Variants in TNR observed in about 807,000 individuals in gnomAD.
TNR encodes the protein tenascin R.
In TNR, 45 loss-of-function variants were observed where a neutral mutation model predicts 150.4. The observed-to-expected ratio is 0.30, with a 90% CI of 0.24 to 0.38. The LOEUF is 0.38. Ranked by LOEUF, TNR falls within the 10% of genes least tolerant of loss-of-function variation. TNR has a pLI of 1.00. For synonymous variants in TNR, 687 were observed against 678.4 expected (o/e 1.01, Z -0.20); for missense variants, 1,544 against 1,759.1 (o/e 0.88, Z 2.19).
intron 1 of TNR, among the ~76,000 whole-genome samples, chr1:175,632,570 G>A (rs753901921): frequency 2.6e-5 from 4 of 152,354 alleles, no homozygotes; most frequent in Admixed American, 1.3e-4. Context: ...AGATCCTGCA[G>A]AGACCAAGTA....
At chr1:175,463,663 A>G (rs938025370) in intron 2 of TNR, among the ~76,000 whole-genome samples, 1 of 152,220 alleles carries the variant, frequency 6.6e-6, no homozygotes, top group African/African-American at 2.4e-5. Flanking sequence ...TTCACAGCTA[A>G]TTGTCCAGAA....
intron 15 of TNR, among the ~76,000 whole-genome samples, chr1:175,358,366 A>G (rs979190183): frequency 1.3e-5 from 2 of 152,256 alleles, no homozygotes; most frequent in Non-Finnish European, 2.9e-5. Context: ...ATGTACTAGC[A>G]GGTTTGCCAA....
chr1:175,410,630 G>A (rs192712071), intron 2 of TNR, among the ~76,000 whole-genome samples: 3 of 152,316 alleles, frequency 2.0e-5, no homozygotes, highest in Admixed American at 2.0e-4. Flanking sequence ...GTGAGGCCAT[G>A]GCACTAGTTC....
chr1:175,654,605 TC>T (rs1357234188), intron 1 of TNR, among the ~76,000 whole-genome samples: 1 of 151,942 alleles, frequency 6.6e-6, no homozygotes, highest in Non-Finnish European at 1.5e-5. Flanking sequence ...TTGTCTAAGT[TC>T]TTCTCGCTTC....
In TNR at chr1:175,720,550, T is replaced by G. The variant is rs554234097; in HGVS notation, c.-165+22676A>C. Among the ~76,000 whole-genome samples, 20 of 151,926 alleles carry G rather than the reference T, an allele frequency of 1.3e-4. No homozygotes were observed. In the Middle Eastern group the frequency reaches 0.01, roughly 78 times the overall value. On this transcript the variant is annotated intron_variant, in intron 1 of 22. Coordinates refer to ENST00000367674, the MANE Select transcript of TNR (RefSeq NM_003285.3). ...CTTGGGCTCAGAGCTTAATAAGGAGTTTACACGTAAGTAAAGGAAGTAGAT... is the reference window on the plus strand; with the variant it reads ...CTTGGGCTCAGAGCTTAATAAGGAGGTTACACGTAAGTAAAGGAAGTAGAT...
At chr1:175,725,340 A>C (rs528408628) in intron 1 of TNR, among the ~76,000 whole-genome samples, 1 of 152,338 alleles carries the variant, frequency 6.6e-6, no homozygotes, top group South Asian at 2.1e-4. Context: ...GCACTGTGGA[A>C]TTATCACAAA....
chr1:175,600,912 T>C (rs1309826132), intron 1 of TNR, among the ~76,000 whole-genome samples: 1 of 152,228 alleles, frequency 6.6e-6, no homozygotes, highest in Admixed American at 6.5e-5. Context: ...CTGAGTTTGT[T>C]TGTGGTCTTG....
At chr1:175,408,933 T>C (rs968608028) in intron 2 of TNR, among the ~76,000 whole-genome samples, 2 of 152,184 alleles carry the variant, frequency 1.3e-5, no homozygotes, top group South Asian at 2.1e-4. Context: ...GTGAGATCCT[T>C]GGAGCAATGT....
chr1:175,527,794 T>C lies in TNR; in HGVS notation c.-64+475A>G, dbSNP rs188064363. ...AGCTTTTAAATTAAAGGAAATAAAATGACAGGTTTTTCCTCCAGCCATATA... is the reference window on the plus strand; with the variant it reads ...AGCTTTTAAATTAAAGGAAATAAAACGACAGGTTTTTCCTCCAGCCATATA... On this transcript the variant is annotated intron_variant, in intron 2 of 22. Transcript: ENST00000367674. 9.8e-4 allele frequency among the ~76,000 whole-genome samples: 149 copies of C among 152,278 alleles called. 1 individual carries two copies. The East Asian group carries it at 0.022, about 22-fold the overall frequency.
intron 1 of TNR, among the ~76,000 whole-genome samples, chr1:175,724,813 C>T (rs1309851177): frequency 2.0e-5 from 3 of 152,042 alleles, no homozygotes; most frequent in Non-Finnish European, 4.4e-5. Context: ...AGGGGCATCT[C>T]AGCTGAGATC....
intron 9 of TNR, among the ~76,000 whole-genome samples, chr1:175,376,813 A>C (rs1652408320): frequency 6.6e-6 from 1 of 151,048 alleles, no homozygotes; most frequent in African/African-American, 2.4e-5. Context: ...AAATCTCCTC[A>C]GCAGTGAACT....
intron 2 of TNR, among the ~76,000 whole-genome samples, chr1:175,524,044 G>T (rs1426732834): frequency 2.0e-5 from 3 of 152,042 alleles, no homozygotes; most frequent in East Asian, 3.9e-4. Context: ...ATTTGCTGGA[G>T]AACTCCTTTG....
At chr1:175,419,421 A>G (rs1654651168) in intron 2 of TNR, among the ~76,000 whole-genome samples, 1 of 152,142 alleles carries the variant, frequency 6.6e-6, no homozygotes, top group Non-Finnish European at 1.5e-5. Context: ...GAGGGTTCCC[A>G]AAGTTCGTGT....
chr1:175,492,016 G>A (rs1658281922), intron 2 of TNR, among the ~76,000 whole-genome samples: 1 of 60,064 alleles, frequency 1.7e-5, no homozygotes, highest in Admixed American at 2.1e-4. Flanking sequence ...GTTTCATGAA[G>A]GAAGACCACT....
chr1:175,635,708 T>C (rs1664471169), intron 1 of TNR, among the ~76,000 whole-genome samples: 1 of 152,158 alleles, frequency 6.6e-6, no homozygotes, highest in Non-Finnish European at 1.5e-5. Context: ...TCCTGTGTGA[T>C]GCTATGTTCT....
chr1:175,606,709 C>A (rs1037843336), intron 1 of TNR, among the ~76,000 whole-genome samples: 2 of 152,128 alleles, frequency 1.3e-5, no homozygotes, highest in African/African-American at 4.8e-5. Context: ...CTTCTGTGAG[C>A]CTTTGCCTCT....
At chr1:175,698,441 T>A (rs970717591) in intron 1 of TNR, among the ~76,000 whole-genome samples, 1 of 151,952 alleles carries the variant, frequency 6.6e-6, no homozygotes. Context: ...CTGACATCCT[T>A]GACGTGTCCA....
intron 1 of TNR, among the ~76,000 whole-genome samples, chr1:175,576,067 CA>C (rs1203103734): frequency 6.6e-6 from 1 of 152,198 alleles, no homozygotes; most frequent in Admixed American, 6.5e-5. Context: ...GTCACCAGAG[CA>C]AATAAAGTCT....
intron 1 of TNR, among the ~76,000 whole-genome samples, chr1:175,610,689 T>A (rs1470563468): frequency 1.3e-5 from 2 of 152,218 alleles, no homozygotes; most frequent in African/African-American, 4.8e-5. Context: ...TGCTTGCAGA[T>A]CTTATGGTCA....
Sources: gnomAD v4.1 joint callset for allele counts (sites outside exome capture counted in the v4.1 genomes callset) on GRCh38, gnomAD v4.1.1 for gene constraint, MANE v1.5 for transcripts, NCBI Gene and HGNC (gene_info 2026-07-23, HGNC 2026-07-21) for gene names.